ANK3: variants seen among roughly 807,000 people sequenced by gnomAD.
The protein encoded by ANK3 is ankyrin-3.
ANK3 carries 57 observed loss-of-function variants against 370.9 expected under a neutral mutation model. The observed-to-expected ratio is 0.15, with a 90% CI of 0.12 to 0.19. ANK3 has a LOEUF of 0.19. Ranked by LOEUF, ANK3 falls within the 10% of genes least tolerant of loss-of-function variation. The pLI is 1.00. For synonymous variants in ANK3, 1,929 were observed against 1,946.3 expected, an observed-to-expected ratio of 0.99 and a Z score of 0.23; for missense variants, 4,439 against 5,302.1, an observed-to-expected ratio of 0.84 and a Z score of 5.06.
At chr10:60,168,257 C>A (rs544120387) in intron 21 of ANK3, among the ~76,000 whole-genome samples, 1 of 152,300 alleles carries the variant, frequency 6.6e-6, no homozygotes, top group South Asian at 2.1e-4. Flanking sequence ...AACTCCCAAC[C>A]TCAGGTGATC....
intron 1 of ANK3, among the ~76,000 whole-genome samples, chr10:60,647,243 T>A (rs1443598308): frequency 6.6e-6 from 1 of 152,194 alleles, no homozygotes; most frequent in Non-Finnish European, 1.5e-5. Context: ...GTAATTTAGG[T>A]TATAATCAAG....
chr10:60,343,640 A>C (rs2054756632), intron 1 of ANK3, among the ~76,000 whole-genome samples: 1 of 152,206 alleles, frequency 6.6e-6, no homozygotes. Flanking sequence ...TCCTCTGAGG[A>C]GTGAGAATGG....
At position 60,139,059 on chromosome 10, in the gene ANK3, G is replaced by T. The variant is rs781403403; in HGVS notation, c.2643C>A (p.Asp881Glu). The T allele has an allele frequency of 8.7e-6, 14 of 1,613,588 alleles. No homozygotes were observed. The highest frequency in any genetic ancestry group is 8.3e-5 in the Admixed American group (5 of 59,958). The change falls in exon 24 of 44, where the codon GAC becomes GAA. Residue 881 changes from aspartate (D) to glutamate (E), a missense_variant. Coordinates refer to ENST00000280772, the MANE Select transcript of ANK3 (RefSeq NM_020987.5). ...TAAGGTCCTGTGGCCCAAGATATTT[G>T]TCTGTGTCCCCGGTCATTGCATCTT... ...EGEDAMTGDT[D>E]KYLGPQDLKE...
chr10:60,208,302 G>A, intron 9 of ANK3, 69 bp from the exon 10 acceptor site: 1 of 1,413,234 alleles, frequency 7.1e-7, no homozygotes, highest in Non-Finnish European at 9.9e-7. Flanking sequence ...AACACAAAGT[G>A]CAAATATAAA....
At chr10:60,560,354 A>G (rs1452375348) in intron 2 of ANK3, among the ~76,000 whole-genome samples, 2 of 152,192 alleles carry the variant, frequency 1.3e-5, no homozygotes, top group African/African-American at 2.4e-5. Context: ...AAACTTCTCA[A>G]TTAAGGACTA....
intron 2 of ANK3, among the ~76,000 whole-genome samples, chr10:60,495,324 T>C (rs1468460080): frequency 6.6e-6 from 1 of 152,160 alleles, no homozygotes; most frequent in Admixed American, 6.5e-5. Flanking sequence ...TGAGCAGCAT[T>C]GGCATTACAT....
intron 1 of ANK3, among the ~76,000 whole-genome samples, chr10:60,293,323 C>T (rs542974263): frequency 2.8e-4 from 43 of 152,216 alleles, no homozygotes; most frequent in African/African-American, 9.6e-4. Context: ...ATTAAATAAT[C>T]TCATGGTTCA....
chr10:60,654,890 G>A (rs1199270675), intron 1 of ANK3, among the ~76,000 whole-genome samples: 1 of 152,114 alleles, frequency 6.6e-6, no homozygotes, highest in Non-Finnish European at 1.5e-5. Context: ...ACTGCACGTT[G>A]ACATTTTGGT....
chr10:60,209,004 A>C lies in ANK3; in HGVS notation c.997-771T>G, dbSNP rs189653836. 9.3e-4 allele frequency among the ~76,000 whole-genome samples: 142 copies of C among 152,318 alleles called. 1 individual carries two copies. Among genetic ancestry groups the C allele is most frequent in the African/African-American group, 3.3e-3 (139 of 41,574 alleles). ...GTAGGAGCGAGTTGAAAATTCATTTAAAGAGCAGAGAGAATAAATAAATAG... is the reference window on the plus strand; with the variant it reads ...GTAGGAGCGAGTTGAAAATTCATTTCAAGAGCAGAGAGAATAAATAAATAG... On this transcript the variant is annotated intron_variant, in intron 9 of 43. Coordinates refer to ENST00000280772, the MANE Select transcript of ANK3 (RefSeq NM_020987.5).
intron 28 of ANK3, among the ~76,000 whole-genome samples, chr10:60,104,357 C>CAAAAAAAAAA (rs747064489): frequency 2.2e-4 from 12 of 53,754 alleles, no homozygotes; most frequent in South Asian, 1.1e-3. Flanking sequence ...GACTCCATCT[C>CAAAAAAAAAA]AAAAAAAAAA....
intron 1 of ANK3, among the ~76,000 whole-genome samples, chr10:60,354,858 A>G (rs1202696683): frequency 6.6e-6 from 1 of 152,012 alleles, no homozygotes; most frequent in African/African-American, 2.4e-5. Flanking sequence ...AAATATAAGA[A>G]AAATTTTCTT....
At chr10:60,425,029 A>G (rs2063852817) in intron 2 of ANK3, among the ~76,000 whole-genome samples, 1 of 152,106 alleles carries the variant, frequency 6.6e-6, no homozygotes, top group African/African-American at 2.4e-5. Flanking sequence ...AAAAGGAAGC[A>G]GCAAAGATAT....
intron 2 of ANK3, among the ~76,000 whole-genome samples, chr10:60,611,892 A>T (rs1328041347): frequency 7.3e-5 from 11 of 151,300 alleles, no homozygotes; most frequent in Non-Finnish European, 1.6e-4. Context: ...GCAGTGGAGA[A>T]GTGGGGCGAA....
At chr10:60,232,745 A>C (rs1321742136) in intron 8 of ANK3, among the ~76,000 whole-genome samples, 1 of 152,190 alleles carries the variant, frequency 6.6e-6, no homozygotes, top group Non-Finnish European at 1.5e-5. Flanking sequence ...AGTACAGAAT[A>C]CAAACTAGAC....
At chr10:60,433,559 C>T (rs1051818085) in intron 2 of ANK3, among the ~76,000 whole-genome samples, 5 of 151,996 alleles carry the variant, frequency 3.3e-5, no homozygotes, top group African/African-American at 7.3e-5. Flanking sequence ...TGCCACCGCA[C>T]GATCGTGCCA....
intron 1 of ANK3, chr10:60,684,569 A>G: frequency 6.3e-7 from 1 of 1,587,664 alleles, no homozygotes; most frequent in South Asian, 1.1e-5. Flanking sequence ...CAATCCTTCC[A>G]CATTGTTATG....
chr10:60,401,291 C>T (rs2132903480), intron 2 of ANK3, among the ~76,000 whole-genome samples: 1 of 152,256 alleles, frequency 6.6e-6, no homozygotes, highest in Admixed American at 6.5e-5. Context: ...TGAATAAGCA[C>T]TAGAGACTTG....
At chr10:60,188,848 C>A (rs988110003) in intron 16 of ANK3, among the ~76,000 whole-genome samples, 1 of 152,146 alleles carries the variant, frequency 6.6e-6, no homozygotes, top group African/African-American at 2.4e-5. Context: ...TGGGACACAC[C>A]CTTCAGAGAC....
intron 28 of ANK3, among the ~76,000 whole-genome samples, chr10:60,099,960 C>T (rs551780429): frequency 1.7e-4 from 26 of 151,822 alleles, no homozygotes; most frequent in African/African-American, 6.0e-4. Flanking sequence ...GGGTGGGGGG[C>T]AGGATGGCTT....
Sources: allele counts gnomAD v4.1 joint callset (sites outside exome capture counted in the v4.1 genomes callset), GRCh38; gene constraint gnomAD v4.1.1; transcripts MANE v1.5; gene names NCBI Gene and HGNC (gene_info 2026-07-23, HGNC 2026-07-21).